SLC24A2: variants seen among roughly 807,000 people sequenced by gnomAD.
The protein encoded by SLC24A2 is sodium/potassium/calcium exchanger 2.
In SLC24A2, 36 loss-of-function variants were observed where a neutral mutation model predicts 62.0. The ratio of observed to expected loss-of-function variants is 0.58; its 90% CI spans 0.44 to 0.77. The LOEUF is 0.77. SLC24A2 is among the 30% of genes least tolerant of loss of function. The pLI is 0.00. For synonymous variants in SLC24A2, 358 were observed against 294.0 expected, an observed-to-expected ratio of 1.22 and a Z score of -2.23; for missense variants, 846 against 817.9, an observed-to-expected ratio of 1.03 and a Z score of -0.42.
chr9:19,863,238 T>A, the SLC24A2 span, among the ~76,000 whole-genome samples: 1 of 152,040 alleles, frequency 6.6e-6, no homozygotes, highest in South Asian at 2.1e-4. Context: ...CCCAGATACA[T>A]AAAGCAAATA....
intron 2 of SLC24A2, among the ~76,000 whole-genome samples, chr9:19,647,712 A>G (rs909934836): frequency 1.3e-5 from 2 of 152,254 alleles, no homozygotes; most frequent in Admixed American, 1.3e-4. Flanking sequence ...TTAATCCATT[A>G]GATACCATTT....
chr9:19,647,160 G>A (rs542682479), intron 2 of SLC24A2, among the ~76,000 whole-genome samples: 3 of 150,906 alleles, frequency 2.0e-5, no homozygotes, highest in African/African-American at 7.3e-5. Context: ...GATTATCAAT[G>A]TATTTTTATT....
intron 4 of SLC24A2, among the ~76,000 whole-genome samples, chr9:19,610,430 A>T (rs1442098546): frequency 6.6e-6 from 1 of 152,188 alleles, no homozygotes; most frequent in Admixed American, 6.5e-5. Context: ...ATATAAAATT[A>T]GGCCTGGGGA....
At chr9:19,879,900 A>G in the SLC24A2 span, among the ~76,000 whole-genome samples, 1 of 152,178 alleles carries the variant, frequency 6.6e-6, no homozygotes, top group Non-Finnish European at 1.5e-5. Context: ...ATTTTTAAAT[A>G]TAAAAATGCC....
Position 19,718,014 on chromosome 9 carries a change from T to C in SLC24A2, c.930+67923A>G, listed in dbSNP as rs188669692. On this transcript the variant is annotated intron_variant, in intron 2 of 10. Transcript: ENST00000341998. Reference sequence around the variant, plus strand: ...TTTTTTAAAACGGAGTCTCGCTCTGTCGCCCAGGCTGGAGTGCAGTGGCGC... The same window carrying C: ...TTTTTTAAAACGGAGTCTCGCTCTGCCGCCCAGGCTGGAGTGCAGTGGCGC... Among the ~76,000 whole-genome samples the C allele has an allele frequency of 1.1e-4, 17 of 150,826 alleles. No homozygotes were observed. In the East Asian group the frequency reaches 3.1e-3, roughly 28 times the overall value.
At chr9:19,888,131 T>C in the SLC24A2 span, among the ~76,000 whole-genome samples, 2 of 152,208 alleles carry the variant, frequency 1.3e-5, no homozygotes, top group African/African-American at 4.8e-5. Flanking sequence ...TGGAAATAAT[T>C]GGTTTTTAAA....
At chr9:20,285,596 G>A in the SLC24A2 span, among the ~76,000 whole-genome samples, 1 of 152,154 alleles carries the variant, frequency 6.6e-6, no homozygotes, top group Admixed American at 6.5e-5. Flanking sequence ...ATATCAGAGA[G>A]GGCAAGCTGC....
At position 19,632,151 on chromosome 9, in the gene SLC24A2, T is replaced by C. The variant is rs1028244520; in HGVS notation, c.931-9852A>G. 1.3e-5 allele frequency among the ~76,000 whole-genome samples: 2 copies of C among 152,096 alleles called. No individual in the cohort carries two copies. The highest frequency in any genetic ancestry group is 1.9e-4 in the East Asian group (1 of 5,190). On this transcript the variant is annotated intron_variant, in intron 2 of 10. Coordinates refer to ENST00000341998, the MANE Select transcript of SLC24A2 (RefSeq NM_020344.4). The surrounding 1 kb of genome is among the most constrained non-coding windows in gnomAD (Gnocchi z 4.5). ...TCCCTGGGGCTGATGCAGTTTAGGGTAGAGTGAGTCAAATTAAGATTCAAA... is the reference window on the plus strand; with the variant it reads ...TCCCTGGGGCTGATGCAGTTTAGGGCAGAGTGAGTCAAATTAAGATTCAAA...
At chr9:19,904,217 C>T in the SLC24A2 span, among the ~76,000 whole-genome samples, 1 of 152,228 alleles carries the variant, frequency 6.6e-6, no homozygotes, top group African/African-American at 2.4e-5. Flanking sequence ...AGAATCTGCA[C>T]TCTGACAAGA....
At chr9:20,035,193 G>A in the SLC24A2 span, among the ~76,000 whole-genome samples, 1 of 152,120 alleles carries the variant, frequency 6.6e-6, no homozygotes, top group Non-Finnish European at 1.5e-5. Flanking sequence ...ATCCACAACA[G>A]TTAGGTATGA....
At chr9:19,710,391 G>A in intron 2 of SLC24A2, among the ~76,000 whole-genome samples, 1 of 152,120 alleles carries the variant, frequency 6.6e-6, no homozygotes, top group East Asian at 1.9e-4. Context: ...CAAATAAGAG[G>A]AGTACTAGCC....
the SLC24A2 span, among the ~76,000 whole-genome samples, chr9:20,073,945 T>C: frequency 1.3e-5 from 2 of 149,032 alleles, no homozygotes; most frequent in African/African-American, 4.9e-5. Context: ...TATATATGTA[T>C]GTATATATAC....
At chr9:20,001,178 T>C in the SLC24A2 span, among the ~76,000 whole-genome samples, 1 of 152,240 alleles carries the variant, frequency 6.6e-6, no homozygotes, top group African/African-American at 2.4e-5. Context: ...GCATTGTCCC[T>C]GCTGCGCCAC....
the SLC24A2 span, among the ~76,000 whole-genome samples, chr9:19,921,046 T>A: frequency 7.1e-5 from 10 of 141,026 alleles, no homozygotes; most frequent in Admixed American, 2.1e-4. Context: ...TAATGTTGAC[T>A]CATGGCATAT....
chr9:20,154,344 A>G, the SLC24A2 span, among the ~76,000 whole-genome samples: 2 of 151,734 alleles, frequency 1.3e-5, no homozygotes, highest in African/African-American at 2.4e-5. Flanking sequence ...TAGACAGAGA[A>G]CTCTTCTGGA....
chr9:20,272,135 G>C, the SLC24A2 span, among the ~76,000 whole-genome samples: 882 of 152,336 alleles, frequency 5.8e-3, 11 homozygotes, highest in African/African-American at 0.02. Flanking sequence ...GAGAATGGCT[G>C]ACTTGCATAA....
the SLC24A2 span, among the ~76,000 whole-genome samples, chr9:20,173,852 T>C: frequency 1.8e-4 from 28 of 152,010 alleles, no homozygotes; most frequent in African/African-American, 5.5e-4. Context: ...AAAACAATTC[T>C]AAAATTCATA....
chr9:19,605,142 G>T lies in SLC24A2; in HGVS notation c.1079-7863C>A, dbSNP rs563818636. Among the ~76,000 whole-genome samples the T allele has an allele frequency of 5.9e-5, 9 of 152,304 alleles. No individual in the cohort carries two copies. In the South Asian group the frequency reaches 1.9e-3, roughly 32 times the overall value. On this transcript the variant is annotated intron_variant, in intron 4 of 10. Coordinates refer to ENST00000341998, the MANE Select transcript of SLC24A2 (RefSeq NM_020344.4). Reference sequence around the variant, plus strand: ...ATGCCTGCCAGTAAACCAGAGATCTGGTTACGCAGGAGGAGCTAGGGCATG... The same window carrying T: ...ATGCCTGCCAGTAAACCAGAGATCTTGTTACGCAGGAGGAGCTAGGGCATG...
chr9:19,845,757 TG>T, the SLC24A2 span, among the ~76,000 whole-genome samples: 59 of 152,298 alleles, frequency 3.9e-4, 1 homozygote, highest in African/African-American at 1.3e-3. Flanking sequence ...ACACTGCTTT[TG>T]TTGCATTCCA....
Sources: allele counts gnomAD v4.1 joint callset (sites outside exome capture counted in the v4.1 genomes callset), GRCh38; gene constraint gnomAD v4.1.1; non-coding constraint Gnocchi (gnomAD v3.1); transcripts MANE v1.5; gene names NCBI Gene and HGNC (gene_info 2026-07-23, HGNC 2026-07-21).